Variants in AUTS2 observed in about 807,000 individuals in gnomAD.
The protein encoded by AUTS2 is activator of transcription and developmental regulator AUTS2, also known as autism susceptibility gene 2 protein.
AUTS2 carries 17 observed loss-of-function variants against 112.4 expected under a neutral mutation model. The observed-to-expected ratio is 0.15, with a 90% CI of 0.10 to 0.23. AUTS2 has a LOEUF of 0.23. Ranked by LOEUF, AUTS2 falls within the 10% of genes least tolerant of loss-of-function variation. The pLI, the probability that AUTS2 is intolerant of heterozygous loss-of-function variation, is 1.00. For missense variants in AUTS2, 1,510 were observed against 1,701.6 expected (o/e 0.89, Z 1.98); for synonymous variants, 751 against 702.7 (o/e 1.07, Z -1.09).
chr7:70,561,518 C>T (rs1801485847), intron 5 of AUTS2, among the ~76,000 whole-genome samples: 1 of 152,062 alleles, frequency 6.6e-6, no homozygotes, highest in Non-Finnish European at 1.5e-5. Flanking sequence ...CCCAGCTACT[C>T]AGGAAGCTGA....
chr7:70,680,484 A>G (rs564688372), intron 5 of AUTS2, among the ~76,000 whole-genome samples: 5 of 152,204 alleles, frequency 3.3e-5, no homozygotes, highest in Admixed American at 2.0e-4. Flanking sequence ...TCTAAAACTC[A>G]TCAGAGTTGG....
chr7:69,818,768 AAGAG>A (rs1463954802), intron 1 of AUTS2, among the ~76,000 whole-genome samples: 1 of 152,164 alleles, frequency 6.6e-6, no homozygotes, highest in Non-Finnish European at 1.5e-5. Context: ...GGCGATAAAG[AAGAG>A]AGAGTAAGGT....
At chr7:70,251,421 T>C (rs1335718882) in intron 4 of AUTS2, among the ~76,000 whole-genome samples, 1 of 152,140 alleles carries the variant, frequency 6.6e-6, no homozygotes. Flanking sequence ...TCACCTCTTC[T>C]CTAAATGTAC....
intron 4 of AUTS2, among the ~76,000 whole-genome samples, chr7:70,226,150 G>A (rs1044576380): frequency 1.3e-5 from 2 of 151,996 alleles, no homozygotes; most frequent in African/African-American, 4.8e-5. Context: ...ATAAGCTATT[G>A]TTCAACGGGG....
chr7:70,782,037 A>T, intron 15 of AUTS2: 1 of 391,138 alleles, frequency 2.6e-6, no homozygotes. Context: ...ATAACTCACA[A>T]GCATGTCAGT....
intron 4 of AUTS2, among the ~76,000 whole-genome samples, chr7:70,153,629 C>T (rs1807576664): frequency 6.6e-6 from 1 of 152,092 alleles, no homozygotes; most frequent in African/African-American, 2.4e-5. Context: ...AAAACTATTT[C>T]CCTGCTGTTG....
intron 5 of AUTS2, among the ~76,000 whole-genome samples, chr7:70,470,088 G>A (rs1797321504): frequency 6.6e-6 from 1 of 152,190 alleles, no homozygotes; most frequent in South Asian, 2.1e-4. Flanking sequence ...CCTAATATTA[G>A]CAACAGTGTT....
At chr7:70,310,353 G>C (rs747780747) in intron 4 of AUTS2, among the ~76,000 whole-genome samples, 42 of 152,164 alleles carry the variant, frequency 2.8e-4, no homozygotes, top group Non-Finnish European at 5.6e-4. Context: ...GCTCACGCCT[G>C]TAATCCCAGC....
At chr7:70,337,912 G>A (rs540741674) in intron 4 of AUTS2, among the ~76,000 whole-genome samples, 99 of 152,286 alleles carry the variant, frequency 6.5e-4, no homozygotes, top group African/African-American at 2.1e-3. Flanking sequence ...TTGCAGTGTA[G>A]TGTGACTCAA....
chr7:70,004,173 A>G (rs1330665881), intron 2 of AUTS2, among the ~76,000 whole-genome samples: 2 of 134,282 alleles, frequency 1.5e-5, no homozygotes, highest in Admixed American at 1.6e-4. Flanking sequence ...TATATATAAT[A>G]TGAATGTGTT....
intron 3 of AUTS2, among the ~76,000 whole-genome samples, chr7:70,123,171 C>T (rs912745473): frequency 1.3e-5 from 2 of 152,082 alleles, no homozygotes; most frequent in African/African-American, 2.4e-5. Context: ...CCACCATGTT[C>T]GGCCGAGATG....
At chr7:69,853,309 A>C (rs1043646456) in intron 1 of AUTS2, among the ~76,000 whole-genome samples, 11 of 151,902 alleles carry the variant, frequency 7.2e-5, no homozygotes, top group Admixed American at 2.0e-4. Flanking sequence ...TTACAACTCC[A>C]TTTTTTTGCC....
chr7:69,877,801 C>G (rs1430320510), intron 1 of AUTS2, among the ~76,000 whole-genome samples: 2 of 152,138 alleles, frequency 1.3e-5, no homozygotes, highest in Non-Finnish European at 2.9e-5. Context: ...GTGGAACATC[C>G]TACAGACCAC....
intron 1 of AUTS2, among the ~76,000 whole-genome samples, chr7:69,810,490 A>G (rs1790500617): frequency 6.6e-6 from 1 of 151,088 alleles, no homozygotes. Context: ...AAAAAAAAAG[A>G]TCCTTGTCTC....
intron 6 of AUTS2, among the ~76,000 whole-genome samples, chr7:70,709,726 T>C (rs1368466429): frequency 6.6e-6 from 1 of 152,184 alleles, no homozygotes; most frequent in African/African-American, 2.4e-5. Context: ...AATATTTACA[T>C]ATATCTTTTA....
At chr7:69,672,063 CTT>C (rs1366739076) in intron 1 of AUTS2, among the ~76,000 whole-genome samples, 2 of 143,122 alleles carry the variant, frequency 1.4e-5, no homozygotes, top group Admixed American at 7.0e-5. Flanking sequence ...TTTTCTTTTT[CTT>C]TTTTTTTTTT....
chr7:70,732,110 A>G (rs1421677423), intron 6 of AUTS2, among the ~76,000 whole-genome samples: 1 of 152,150 alleles, frequency 6.6e-6, no homozygotes, highest in African/African-American at 2.4e-5. Flanking sequence ...CTATAAGGGT[A>G]TTTCCTAAAC....
chr7:70,082,496 T>C (rs1380376765), intron 2 of AUTS2, among the ~76,000 whole-genome samples: 1 of 152,214 alleles, frequency 6.6e-6, no homozygotes, highest in African/African-American at 2.4e-5. Flanking sequence ...GTTTTAATGA[T>C]GGAATTCCCA....
Position 70,118,185 on chromosome 7 carries a change from A to G in AUTS2, c.576A>G (p.Gly192=), listed in dbSNP as rs755480032. 1.2e-6 allele frequency: 2 copies of G among 1,610,756 alleles called. No individual in the cohort carries two copies. The highest frequency in any genetic ancestry group is 2.2e-5 in the East Asian group (1 of 44,638). The change falls in exon 3 of 19, where the codon GGA becomes GGG. Residue 192 remains glycine, a synonymous_variant. Transcript: ENST00000342771. ...ACAGTGACAGTGAAAGTGCCAGTGG[A>G]GAATCCAAGGGCTTCCACCGGAGCA... ...CRDSDSESAS[G]ESKGFHRSSS... is the part of the protein sequence containing the mutation.
Sources: gnomAD v4.1 joint callset for allele counts (sites outside exome capture counted in the v4.1 genomes callset) on GRCh38, gnomAD v4.1.1 for gene constraint, MANE v1.5 for transcripts, NCBI Gene and HGNC (gene_info 2026-07-23, HGNC 2026-07-21) for gene names.